Variants in INPP4B observed in about 807,000 individuals in gnomAD.
INPP4B encodes the protein inositol polyphosphate 4-phosphatase type II.
A neutral mutation model predicts 122.5 loss-of-function variants in INPP4B; 55 were observed. That is an observed-to-expected ratio of 0.45 (90% confidence interval 0.36 to 0.56). The LOEUF is 0.56. Ranked by LOEUF, INPP4B falls within the 20% of genes least tolerant of loss-of-function variation. The pLI, the probability that INPP4B is intolerant of heterozygous loss-of-function variation, is 0.00. For synonymous variants in INPP4B, 403 were observed against 388.7 expected (o/e 1.04, Z -0.43); for missense variants, 1,000 against 1,097.7 (o/e 0.91, Z 1.26).
chr4:142,070,816 A>C (rs1766783815), intron 25 of INPP4B, among the ~76,000 whole-genome samples: 1 of 151,798 alleles, frequency 6.6e-6, no homozygotes, highest in African/African-American at 2.4e-5. Flanking sequence ...ACTACAAACC[A>C]CTCCTCAACG....
rs1053210167 is a variant in INPP4B, at chr4:142,486,259, A to G, written c.-190-23533T>C. On this transcript the variant is annotated intron_variant, in intron 2 of 25. Transcript: ENST00000262992. ...CATTTTCTACTCCCACTAGCAAAGT[A>G]TAAGAATTCCATTTGTTCTACATTC... is the stretch of plus-strand genomic sequence containing the variant. Among the ~76,000 whole-genome samples, 14 of 152,190 alleles carry G rather than the reference A, an allele frequency of 9.2e-5. No homozygotes were observed. The East Asian group carries it at 1.9e-3, about 21-fold the overall frequency.
At chr4:142,405,455 A>G in intron 5 of INPP4B, 131 bp from the exon 6 acceptor site, 1 of 637,406 alleles carries the variant, frequency 1.6e-6, no homozygotes, top group South Asian at 1.8e-5. Context: ...CTGGTTTTAC[A>G]GAGGAAGTCC....
chr4:142,190,535 A>T (rs1579230628), intron 15 of INPP4B, among the ~76,000 whole-genome samples: 1 of 152,108 alleles, frequency 6.6e-6, no homozygotes, highest in Admixed American at 6.6e-5. Flanking sequence ...ATTTGTCTCA[A>T]ACCACTGCCC....
intron 10 of INPP4B, among the ~76,000 whole-genome samples, chr4:142,261,264 C>T (rs954985229): frequency 1.3e-5 from 2 of 152,114 alleles, no homozygotes; most frequent in Non-Finnish European, 1.5e-5. Flanking sequence ...CCTCAGCTTC[C>T]TATGAAACTG....
At chr4:142,326,683 G>A (rs533586458) in intron 7 of INPP4B, among the ~76,000 whole-genome samples, 11 of 152,286 alleles carry the variant, frequency 7.2e-5, no homozygotes, top group African/African-American at 2.6e-4. Context: ...CCCGGATGGT[G>A]ATAGGCTACC....
chr4:142,644,905 CAAAAAAAAAAAA>C (rs72460445), intron 2 of INPP4B, among the ~76,000 whole-genome samples: 1 of 66,154 alleles, frequency 1.5e-5, no homozygotes, highest in Non-Finnish European at 2.8e-5. Flanking sequence ...GACTCCATCT[CAAAAAAAAAAAA>C]AAAAAAAAAG....
intron 9 of INPP4B, among the ~76,000 whole-genome samples, chr4:142,285,136 G>A (rs138785013): frequency 6.6e-6 from 1 of 152,002 alleles, no homozygotes; most frequent in African/African-American, 2.4e-5. Flanking sequence ...TCAGAAAATA[G>A]GATGCTTAAA....
chr4:142,675,103 C>T (rs1248882883), intron 2 of INPP4B, among the ~76,000 whole-genome samples: 1 of 152,054 alleles, frequency 6.6e-6, no homozygotes, highest in Non-Finnish European at 1.5e-5. Flanking sequence ...AATAGATAGA[C>T]CACTAGCCAG....
At chr4:142,079,538 T>C (rs1305288271) in intron 25 of INPP4B, among the ~76,000 whole-genome samples, 3 of 152,092 alleles carry the variant, frequency 2.0e-5, no homozygotes, top group Non-Finnish European at 4.4e-5. Flanking sequence ...TGTTTATTCA[T>C]GAACCACTCA....
chr4:142,441,324 G>C (rs998374205), intron 3 of INPP4B, among the ~76,000 whole-genome samples: 4 of 152,234 alleles, frequency 2.6e-5, no homozygotes, highest in Admixed American at 1.3e-4. Context: ...TTATTAAATA[G>C]AATTACCTGA....
In INPP4B at chr4:142,733,418, T is replaced by C. The variant is rs141790385; in HGVS notation, c.-253-7517A>G. Among the ~76,000 whole-genome samples, 510 of 152,198 alleles carry C rather than the reference T, an allele frequency of 3.4e-3. 4 individuals are homozygous for C. Among genetic ancestry groups the C allele is most frequent in the Non-Finnish European group, 3.5e-3 (241 of 67,984 alleles). On this transcript the variant is annotated intron_variant, in intron 1 of 25. Transcript: ENST00000262992. ...TACTCAGAATATATACAATAAACTT[T>C]CATAAATCAATAAGAAAATGAGACA...
intron 7 of INPP4B, among the ~76,000 whole-genome samples, chr4:142,353,887 G>T (rs2151836223): frequency 6.6e-6 from 1 of 151,888 alleles, no homozygotes; most frequent in African/African-American, 2.4e-5. Context: ...CTCACTAAAT[G>T]GTTTCTAAAA....
chr4:142,575,083 T>A (rs1234412813), intron 2 of INPP4B, among the ~76,000 whole-genome samples: 3 of 152,080 alleles, frequency 2.0e-5, no homozygotes, highest in Non-Finnish European at 4.4e-5. Context: ...TTTCAATTCT[T>A]ATAAGGATCG....
chr4:142,569,500 T>A (rs564028628), intron 2 of INPP4B, among the ~76,000 whole-genome samples: 6 of 152,224 alleles, frequency 3.9e-5, no homozygotes, highest in Non-Finnish European at 7.4e-5. Context: ...TCTGTTATCA[T>A]GACTACTTTA....
At chr4:142,127,546 A>G (rs762094330) in intron 18 of INPP4B, among the ~76,000 whole-genome samples, 3 of 152,048 alleles carry the variant, frequency 2.0e-5, no homozygotes, top group Non-Finnish European at 4.4e-5. Context: ...AGGAACACAC[A>G]ACATTCTAAA....
At chr4:142,468,074 A>G (rs548914847) in intron 2 of INPP4B, 3 of 152,228 alleles carry the variant, frequency 2.0e-5, no homozygotes, top group Non-Finnish European at 4.4e-5. Context: ...CCATGGACCA[A>G]TTAAACCTCT....
At chr4:142,274,188 T>C (rs751605767) in intron 9 of INPP4B, among the ~76,000 whole-genome samples, 3 of 151,922 alleles carry the variant, frequency 2.0e-5, no homozygotes, top group Non-Finnish European at 2.9e-5. Flanking sequence ...TTTTACCTTA[T>C]GGAAATTCAT....
At chr4:142,086,044 C>T (rs336325) in intron 24 of INPP4B, 100 bp downstream of exon 24, 734,485 of 766,380 alleles carry the variant, frequency 0.96, 354,710 homozygotes, top group Non-Finnish European at 0.99. Context: ...TGACACCTGG[C>T]AACCCAAAGT....
intron 7 of INPP4B, among the ~76,000 whole-genome samples, chr4:142,329,279 G>A (rs1002067118): frequency 6.6e-6 from 1 of 152,190 alleles, no homozygotes; most frequent in South Asian, 2.1e-4. Flanking sequence ...TAACGCAGAG[G>A]AGCCAGCTCA....
Sources: allele counts gnomAD v4.1 joint callset (sites outside exome capture counted in the v4.1 genomes callset), GRCh38; gene constraint gnomAD v4.1.1; transcripts MANE v1.5; gene names NCBI Gene and HGNC (gene_info 2026-07-23, HGNC 2026-07-21).